CEP57: variants seen among roughly 807,000 people sequenced by gnomAD.
CEP57 encodes the protein centrosomal protein of 57 kDa.
A neutral mutation model predicts 68.0 loss-of-function variants in CEP57; 40 were observed. The observed-to-expected ratio is 0.59, with a 90% CI of 0.46 to 0.77. CEP57 has a LOEUF of 0.77. Among genes scored for constraint, CEP57 ranks in the 30% least tolerant of loss-of-function variants. The probability of loss-of-function intolerance (pLI) is 0.00; values close to 1 mark genes in which losing one functional copy is unlikely to be tolerated. For synonymous variants in CEP57, 219 were observed against 198.7 expected (o/e 1.10, Z -0.86); for missense variants, 606 against 580.7 (o/e 1.04, Z -0.45).
At chr11:95,800,943 T>C (rs1287931792) in intron 2 of CEP57, among the ~76,000 whole-genome samples, 2 of 152,238 alleles carry the variant, frequency 1.3e-5, no homozygotes, top group African/African-American at 2.4e-5. Flanking sequence ...ATTTCCTTTT[T>C]TTGAAAGTTG....
chr11:95,825,149 A>G (rs1862685505), intron 8 of CEP57, among the ~76,000 whole-genome samples: 1 of 152,186 alleles, frequency 6.6e-6, no homozygotes, highest in African/African-American at 2.4e-5. Flanking sequence ...CATACACTAT[A>G]AAAAGGGTTC....
At chr11:95,818,152 C>A in intron 5 of CEP57, 3 of 374,908 alleles carry the variant, frequency 8.0e-6, no homozygotes, top group Admixed American at 3.9e-5. Context: ...TGGCTCACGC[C>A]TGTAATCCCA....
intron 6 of CEP57, among the ~76,000 whole-genome samples, chr11:95,819,105 TTTGTAA>T (rs1862419893): frequency 1.3e-5 from 2 of 152,172 alleles, no homozygotes; most frequent in Non-Finnish European, 2.9e-5. Context: ...TTTTAGCATG[TTTGTAA>T]TTGTAGAGTT....
At chr11:95,800,453 T>C (rs1454643426) in intron 2 of CEP57, among the ~76,000 whole-genome samples, 2 of 152,008 alleles carry the variant, frequency 1.3e-5, no homozygotes, top group African/African-American at 4.8e-5. Context: ...TGGAGTGCAG[T>C]GGCGGGATCC....
intron 2 of CEP57, among the ~76,000 whole-genome samples, chr11:95,807,547 A>G (rs537608905): frequency 1.3e-5 from 2 of 152,350 alleles, no homozygotes; most frequent in Admixed American, 6.5e-5. Flanking sequence ...GCTGAAAACC[A>G]TGCCATGAGA....
chr11:95,822,438 A>G, intron 7 of CEP57, 61 bp from the exon 8 acceptor site: 4 of 1,290,948 alleles, frequency 3.1e-6, no homozygotes, highest in African/African-American at 1.5e-5. Flanking sequence ...TTAGTCATGT[A>G]TAGTCAGTTT....
chr11:95,813,100 A>C lies in CEP57; in HGVS notation c.371A>C (p.Lys124Thr). The C allele has an allele frequency of 6.2e-7, 1 of 1,612,650 alleles. No homozygotes were observed. ...ERENSKNEES[K>T]HNQELTSQLL... ...GAGAATTCAAAGAATGAGGAATCAA[A>C]GCACAATCAAGGTTTGTTGATGAAG... is the stretch of plus-strand genomic sequence containing the variant. Residue 124 changes from lysine (K) to threonine (T), a missense_variant, in exon 3 of 11, where the codon AAG becomes ACG. Coordinates refer to ENST00000325542, the MANE Select transcript of CEP57 (RefSeq NM_014679.5).
chr11:95,813,552 A>G lies in CEP57; in HGVS notation c.467A>G (p.His156Arg), dbSNP rs767757804. 6.2e-7 allele frequency: 1 copy of G among 1,613,314 alleles called. No homozygotes were observed. Among genetic ancestry groups the G allele is most frequent in the South Asian group, 1.1e-5 (1 of 91,082 alleles). ...GAATACATGCGAAATATGATAAAGC[A>G]TGCCGAAATGGAGAGGACATCTGTC... ...QLEYMRNMIK[H>R]AEMERTSVLE... is the part of the protein sequence containing the mutation. Residue 156 changes from histidine to arginine, a missense_variant, in exon 4 of 11, where the codon CAT becomes CGT. Coordinates refer to ENST00000325542, the MANE Select transcript of CEP57 (RefSeq NM_014679.5).
intron 2 of CEP57, among the ~76,000 whole-genome samples, chr11:95,801,544 T>C (rs1210648847): frequency 6.8e-6 from 1 of 147,710 alleles, no homozygotes; most frequent in Admixed American, 6.8e-5. Context: ...AAACAAAATA[T>C]CCATTTACAA....
intron 1 of CEP57, chr11:95,795,499 C>CTTTT (rs5793747): frequency 6.1e-5 from 23 of 375,298 alleles, no homozygotes; most frequent in South Asian, 1.6e-4. Flanking sequence ...AGCTGTTATT[C>CTTTT]TTTTTTTTTT....
At chr11:95,799,504 G>GT in intron 2 of CEP57, 116 bp downstream of exon 2, 1 of 1,233,378 alleles carries the variant, frequency 8.1e-7, no homozygotes, top group South Asian at 1.2e-5. Context: ...TTTGCTTCCA[G>GT]TTTCAGCCCC....
At chr11:95,820,579 C>CAAAAAA (rs56260498) in intron 6 of CEP57, among the ~76,000 whole-genome samples, 81 of 82,350 alleles carry the variant, frequency 9.8e-4, no homozygotes, top group Non-Finnish European at 1.3e-3. Context: ...GCAACAAGAG[C>CAAAAAA]AAAAAAAAAA....
chr11:95,810,223 G>T (rs1861994851), intron 2 of CEP57, among the ~76,000 whole-genome samples: 1 of 152,198 alleles, frequency 6.6e-6, no homozygotes, highest in Non-Finnish European at 1.5e-5. Flanking sequence ...AGTGATTTGT[G>T]ACAAACCCAC....
chr11:95,828,580 A>G (rs928024512), intron 9 of CEP57, among the ~76,000 whole-genome samples: 3 of 152,216 alleles, frequency 2.0e-5, no homozygotes, highest in Admixed American at 6.5e-5. Flanking sequence ...CTGACATCAC[A>G]TTCATTTTAG....
At chr11:95,818,275 C>A (rs927587934) in intron 5 of CEP57, among the ~76,000 whole-genome samples, 6 of 151,642 alleles carry the variant, frequency 4.0e-5, no homozygotes, top group African/African-American at 1.5e-4. Context: ...AGCCGGGCAT[C>A]GTGGCGCATG....
chr11:95,831,285 G>A lies in CEP57; in HGVS notation c.*29G>A, dbSNP rs1862997002. On this transcript the variant is annotated 3_prime_UTR_variant, in exon 11 of 11. Transcript: ENST00000325542. ...ATAACCAGGTCAGAAATTTTATTCAGATAATCTGTACCTCATCAATCAGAT... is the reference window on the plus strand; with the variant it reads ...ATAACCAGGTCAGAAATTTTATTCAAATAATCTGTACCTCATCAATCAGAT... 6.8e-7 allele frequency: 1 copy of A among 1,464,726 alleles called. No individual in the cohort carries two copies. Among genetic ancestry groups the A allele is most frequent in the East Asian group, 2.3e-5 (1 of 43,546 alleles). The allele number at this position is 1,464,726 out of a possible 1,614,324, so 90.7% of individuals were successfully genotyped here.
intron 2 of CEP57, among the ~76,000 whole-genome samples, chr11:95,802,510 C>A (rs1415408273): frequency 1.3e-5 from 2 of 152,144 alleles, no homozygotes; most frequent in East Asian, 1.9e-4. Flanking sequence ...ACCTCAGCCT[C>A]CCAAAGTGCT....
chr11:95,831,013 T>C lies in CEP57; in HGVS notation c.1273-13T>C, dbSNP rs750398710. ...ATTCTCCTTTTCCTTCCTGCCTTGG[T>C]TATTTGGTATAGCTGGAGAAACAGA... On this transcript the variant is annotated splice_polypyrimidine_tract_variant and intron_variant, in intron 10 of 10. Transcript: ENST00000325542. 6.3e-7 allele frequency: 1 copy of C among 1,580,636 alleles called. No individual in the cohort carries two copies. Among genetic ancestry groups the C allele is most frequent in the South Asian group, 1.1e-5 (1 of 90,122 alleles).
Position 95,803,665 on chromosome 11 carries a change from G to T in CEP57, c.202+4277G>T, listed in dbSNP as rs539149820. Among the ~76,000 whole-genome samples, 31 of 148,850 alleles carry T rather than the reference G, an allele frequency of 2.1e-4. No homozygotes were observed. The South Asian group carries it at 4.0e-3, about 19-fold the overall frequency. ...CCAGGTGGACTTGAAGAACATTAGG[G>T]ACTCAAACATGGCTAGCACTTTCCA... On this transcript the variant is annotated intron_variant, in intron 2 of 10. Coordinates refer to ENST00000325542, the MANE Select transcript of CEP57 (RefSeq NM_014679.5).
Sources: allele counts gnomAD v4.1 joint callset (sites outside exome capture counted in the v4.1 genomes callset), GRCh38; gene constraint gnomAD v4.1.1; transcripts MANE v1.5; gene names NCBI Gene and HGNC (gene_info 2026-07-23, HGNC 2026-07-21).